NEDD1: variants seen among roughly 807,000 people sequenced by gnomAD.
NEDD1 encodes NEDD1 gamma-tubulin ring complex targeting factor, also known as protein NEDD1.
NEDD1 carries 33 observed loss-of-function variants against 74.0 expected under a neutral mutation model. That is an observed-to-expected ratio of 0.45 (90% CI 0.34 to 0.60). The LOEUF is 0.60. Among genes scored for constraint, NEDD1 ranks in the 20% least tolerant of loss-of-function variants. The pLI, the probability that NEDD1 is intolerant of heterozygous loss-of-function variation, is 0.01. For missense variants in NEDD1, 746 were observed against 776.5 expected, an observed-to-expected ratio of 0.96 and a Z score of 0.47; for synonymous variants, 250 against 264.4, an observed-to-expected ratio of 0.95 and a Z score of 0.53.
chr12:96,913,375 T>C (rs1035155512), intron 4 of NEDD1, among the ~76,000 whole-genome samples: 3 of 140,594 alleles, frequency 2.1e-5, no homozygotes, highest in Non-Finnish European at 4.7e-5. Context: ...TGCCTTATCC[T>C]TTTTTTTTTT....
chr12:96,924,685 A>C (rs975365944), intron 6 of NEDD1: 2 of 224,496 alleles, frequency 8.9e-6, no homozygotes, highest in African/African-American at 4.7e-5. Context: ...TTCACTTAAT[A>C]GTTTGGACAG....
intron 14 of NEDD1, among the ~76,000 whole-genome samples, chr12:96,946,198 G>C (rs1481697768): frequency 6.6e-6 from 1 of 152,060 alleles, no homozygotes; most frequent in African/African-American, 2.4e-5. Context: ...GGTATGCTGT[G>C]TGCAATAATG....
chr12:96,919,002 G>T (rs948585511), intron 5 of NEDD1, among the ~76,000 whole-genome samples: 86 of 152,124 alleles, frequency 5.7e-4, no homozygotes, highest in Non-Finnish European at 1.0e-4. Flanking sequence ...GAATATCATA[G>T]CTATTATTCT....
chr12:96,935,755 A>C (rs34236090), intron 7 of NEDD1, among the ~76,000 whole-genome samples: 1,672 of 152,282 alleles, frequency 0.011, 17 homozygotes, highest in Non-Finnish European at 0.015. Flanking sequence ...ACTGGTGTAC[A>C]TAATCCTCTA....
At chr12:96,925,546 A>G (rs540306679) in intron 6 of NEDD1, among the ~76,000 whole-genome samples, 26 of 152,304 alleles carry the variant, frequency 1.7e-4, no homozygotes, top group African/African-American at 6.0e-4. Context: ...TATCTAGCTC[A>G]GGAGCAGCTG....
chr12:96,937,364 A>G lies in NEDD1; in HGVS notation c.1088A>G (p.Lys363Arg). ...CAACCTATGACATCAGCTATGGGGA[A>G]AGGAACAGTTGCTGTTCAAGAAAAA... The part of the protein sequence containing the change: ...LPQPMTSAMG[K>R]GTVAVQEKAG... The change falls in exon 9 of 16, where the codon AAA becomes AGA. Residue 363 changes from lysine (K) to arginine (R), a missense_variant. Lys to Arg is a conservative substitution (Grantham distance 26). This residue lies in a region of NEDD1 where 706 missense variants were observed against 706.7 expected (regional missense o/e 1.00). Coordinates refer to ENST00000266742, the MANE Select transcript of NEDD1 (RefSeq NM_152905.4). 2 of 1,606,006 alleles carry G rather than the reference A, an allele frequency of 1.2e-6. No individual in the cohort carries two copies. Among genetic ancestry groups the G allele is most frequent in the Non-Finnish European group, 1.7e-6 (2 of 1,176,002 alleles).
intron 3 of NEDD1, among the ~76,000 whole-genome samples, chr12:96,911,560 C>T (rs7977313): frequency 0.48 from 72,628 of 151,960 alleles, 17,622 homozygotes; most frequent in African/African-American, 0.54. Context: ...TGTGAGACAC[C>T]AGAGAGATTA....
At chr12:96,943,822 G>A in intron 12 of NEDD1, 60 bp downstream of exon 12, 1 of 1,094,020 alleles carries the variant, frequency 9.1e-7, no homozygotes, top group African/African-American at 1.6e-5. Flanking sequence ...AAAGTGGGTG[G>A]CTGCCAGTGC....
chr12:96,907,922 C>G, intron 2 of NEDD1, 66 bp downstream of exon 2: 1 of 1,259,402 alleles, frequency 7.9e-7, no homozygotes. Context: ...TTAAATCACC[C>G]GGCGAGTTGT....
intron 11 of NEDD1, 60 bp downstream of exon 11, chr12:96,942,684 G>A: frequency 3.6e-6 from 3 of 827,494 alleles, no homozygotes; most frequent in Admixed American, 2.1e-5. Flanking sequence ...TATCTATGCT[G>A]TGTAACAAAT....
chr12:96,925,083 A>G (rs1020272136), intron 6 of NEDD1: 2 of 260,720 alleles, frequency 7.7e-6, no homozygotes, highest in African/African-American at 4.6e-5. Context: ...AATAAGCAAT[A>G]AGTATACAGT....
intron 6 of NEDD1, among the ~76,000 whole-genome samples, chr12:96,926,422 C>A (rs1875698047): frequency 6.6e-6 from 1 of 152,012 alleles, no homozygotes; most frequent in Admixed American, 6.6e-5. Context: ...AATACATGGG[C>A]TAGGAAATGC....
chr12:96,928,112 A>G (rs909250889), intron 6 of NEDD1, among the ~76,000 whole-genome samples: 3 of 152,148 alleles, frequency 2.0e-5, no homozygotes, highest in African/African-American at 7.2e-5. Flanking sequence ...TTTCTTCAGT[A>G]GAAAGCTATT....
intron 14 of NEDD1, among the ~76,000 whole-genome samples, chr12:96,946,189 G>A (rs1282198386): frequency 6.6e-6 from 1 of 152,052 alleles, no homozygotes; most frequent in Non-Finnish European, 1.5e-5. Context: ...GATCTATTAG[G>A]TATGCTGTGT....
intron 3 of NEDD1, among the ~76,000 whole-genome samples, chr12:96,910,809 C>G (rs1270522887): frequency 6.6e-6 from 1 of 152,108 alleles, no homozygotes; most frequent in Non-Finnish European, 1.5e-5. Flanking sequence ...TAGAAATTTT[C>G]TTTTGTGAAA....
intron 6 of NEDD1, among the ~76,000 whole-genome samples, chr12:96,930,211 ACTCTCTCT>A (rs143562580): frequency 1.1e-4 from 10 of 89,242 alleles, no homozygotes; most frequent in African/African-American, 5.2e-4. Flanking sequence ...ACACACACAC[ACTCTCTCT>A]CTCTCTCTCT....
At chr12:96,926,066 G>T (rs1444936148) in intron 6 of NEDD1, among the ~76,000 whole-genome samples, 3 of 151,976 alleles carry the variant, frequency 2.0e-5, no homozygotes, top group Non-Finnish European at 2.9e-5. Context: ...GATGGTGAGT[G>T]TGTTTATCAC....
chr12:96,929,722 T>C (rs2136560013), intron 6 of NEDD1, among the ~76,000 whole-genome samples: 1 of 152,134 alleles, frequency 6.6e-6, no homozygotes, highest in Non-Finnish European at 1.5e-5. Context: ...TGTTCAGGTT[T>C]GCTTCCACTT....
rs549704721 is a variant in NEDD1, at chr12:96,946,019, A to C, written c.1811+170A>C. Among the ~76,000 whole-genome samples the C allele has an allele frequency of 5.9e-5, 9 of 152,212 alleles. No individual in the cohort carries two copies. In the East Asian group the frequency reaches 1.7e-3, roughly 29 times the overall value. On this transcript the variant is annotated intron_variant, in intron 14 of 15. Transcript: ENST00000266742. ...TGATCTTTTCGTACTGCATTTATTGATTATGAGCCAGGAAAAGGCACATTT... is the reference window on the plus strand; with the variant it reads ...TGATCTTTTCGTACTGCATTTATTGCTTATGAGCCAGGAAAAGGCACATTT...
Sources: allele counts gnomAD v4.1 joint callset (sites outside exome capture counted in the v4.1 genomes callset), GRCh38; gene constraint gnomAD v4.1.1; regional missense constraint gnomAD v4.1.1; transcripts MANE v1.5; gene names NCBI Gene and HGNC (gene_info 2026-07-23, HGNC 2026-07-21).